Variants in SYNE2 observed in about 807,000 individuals in gnomAD.
SYNE2 encodes the protein spectrin repeat containing nuclear envelope protein 2.
In SYNE2, 431 loss-of-function variants were observed where a neutral mutation model predicts 856.3. The ratio of observed to expected loss-of-function variants is 0.50; its 90% CI spans 0.47 to 0.55. SYNE2 has a LOEUF of 0.55. Ranked by LOEUF, SYNE2 falls within the 20% of genes least tolerant of loss-of-function variation. SYNE2 has a pLI of 0.00. For missense variants in SYNE2, 8,129 were observed against 8,023.2 expected, an observed-to-expected ratio of 1.01 and a Z score of -0.50; for synonymous variants, 2,923 against 2,872.3, an observed-to-expected ratio of 1.02 and a Z score of -0.56.
intron 100 of SYNE2, 125 bp from the exon 101 acceptor site, chr14:64,208,633 G>A (rs1407904456): frequency 3.0e-6 from 3 of 997,414 alleles, no homozygotes; most frequent in Non-Finnish European, 4.7e-6. Flanking sequence ...AGTTCATGGT[G>A]GAAATCCACC....
intron 49 of SYNE2, 98 bp downstream of exon 49, chr14:64,056,364 GT>G: frequency 8.3e-7 from 1 of 1,209,816 alleles, no homozygotes; most frequent in Non-Finnish European, 1.1e-6. Flanking sequence ...TAAAATATAG[GT>G]TTTTTTCTCT....
chr14:63,825,799 C>T (rs967003461), intron 1 of SYNE2, among the ~76,000 whole-genome samples: 4 of 151,974 alleles, frequency 2.6e-5, no homozygotes, highest in African/African-American at 9.7e-5. Flanking sequence ...TTGCTTGAAC[C>T]CAGGAGGCAA....
intron 1 of SYNE2, among the ~76,000 whole-genome samples, chr14:63,795,458 T>C (rs1277723084): frequency 1.3e-5 from 2 of 152,112 alleles, no homozygotes; most frequent in African/African-American, 2.4e-5. Flanking sequence ...TTGTGGGACC[T>C]TGTGGTCGTG....
intron 17 of SYNE2, 28 bp downstream of exon 17, chr14:63,982,822 T>C: frequency 6.2e-7 from 1 of 1,608,024 alleles, no homozygotes. Flanking sequence ...GTTGCAGCTT[T>C]ATTTAGATAT....
chr14:63,876,513 A>T (rs2094722309), intron 1 of SYNE2, among the ~76,000 whole-genome samples: 2 of 140,362 alleles, frequency 1.4e-5, no homozygotes, highest in Non-Finnish European at 3.1e-5. Context: ...TTTGAGACCG[A>T]GTCTCGCTCT....
rs555022838 is a variant in SYNE2, at chr14:63,940,598, G to A, written c.80-16G>A. 2.7e-5 allele frequency: 44 copies of A among 1,613,836 alleles called. 1 individual carries two copies. The East Asian group carries it at 9.1e-4, about 34-fold the overall frequency. On this transcript the variant is annotated splice_polypyrimidine_tract_variant and intron_variant, in intron 2 of 115. Transcript: ENST00000555002. ...GGCTTCTGGTTTTATAACTGCTGTT[G>A]TTCTTTCTTTGATAGCTGAACAGGA...
At chr14:63,889,234 A>G (rs2095071170) in intron 1 of SYNE2, among the ~76,000 whole-genome samples, 1 of 151,836 alleles carries the variant, frequency 6.6e-6, no homozygotes, top group African/African-American at 2.4e-5. Flanking sequence ...CCTCTTAAAT[A>G]CAATGTATAT....
Position 64,215,515 on chromosome 14 carries a change from C to G in SYNE2, c.19402+161C>G, listed in dbSNP as rs150904045. 832 of 765,520 alleles carry G rather than the reference C, an allele frequency of 1.1e-3. 10 individuals carry two copies. Among genetic ancestry groups the G allele is most frequent in the South Asian group, 0.01 (720 of 70,188 alleles). 47.4% of individuals were successfully genotyped at this position (765,520 alleles called of 1,614,324 possible). On this transcript the variant is annotated intron_variant, in intron 107 of 115. Transcript: ENST00000555002. ...TTTACACTGCCGTACTCACCCATAACTGCGTGCTCCTTACAAAACCCCATC... is the reference window on the plus strand; with the variant it reads ...TTTACACTGCCGTACTCACCCATAAGTGCGTGCTCCTTACAAAACCCCATC...
In SYNE2 at chr14:64,082,444, C is replaced by T. The variant is rs186375581; in HGVS notation, c.11484+864C>T. On this transcript the variant is annotated intron_variant, in intron 57 of 115. Coordinates refer to ENST00000555002, the MANE Select transcript of SYNE2 (RefSeq NM_182914.3). ...TCAAGCATTTCAGATAAGGGCTACT[C>T]AGCCTGCAGCAGAGTGCAGAGAGAT... 9.2e-5 allele frequency among the ~76,000 whole-genome samples: 14 copies of T among 152,266 alleles called. No individual in the cohort carries two copies. The East Asian group carries it at 2.3e-3, about 25-fold the overall frequency.
intron 14 of SYNE2, 24 bp downstream of exon 14, chr14:63,979,038 T>C: frequency 6.2e-7 from 1 of 1,611,682 alleles, no homozygotes; most frequent in South Asian, 1.1e-5. Flanking sequence ...TTTTGTGTCT[T>C]AGGCAACTCC....
chr14:63,987,916 A>T (rs1566979706), intron 19 of SYNE2, among the ~76,000 whole-genome samples: 1 of 151,792 alleles, frequency 6.6e-6, no homozygotes, highest in African/African-American at 2.4e-5. Context: ...AACTGTGTGG[A>T]TAATGAGATA....
At chr14:63,788,859 G>A (rs2139760653) in intron 1 of SYNE2, among the ~76,000 whole-genome samples, 1 of 152,286 alleles carries the variant, frequency 6.6e-6, no homozygotes, top group Admixed American at 6.5e-5. Context: ...CCGCTGCTGC[G>A]TATATACCCA....
intron 66 of SYNE2, among the ~76,000 whole-genome samples, chr14:64,118,605 G>C (rs1056551412): frequency 6.6e-5 from 10 of 152,084 alleles, no homozygotes; most frequent in Non-Finnish European, 1.3e-4. Flanking sequence ...GTTCATGCCT[G>C]TAATCCCAGC....
intron 11 of SYNE2, among the ~76,000 whole-genome samples, chr14:63,973,172 T>G (rs1293044714): frequency 6.6e-6 from 1 of 152,182 alleles, no homozygotes; most frequent in Non-Finnish European, 1.5e-5. Context: ...GAGAATCGCT[T>G]GCACCTGGTA....
At chr14:64,190,974 GGCCTTGGGACCACT>G in intron 99 of SYNE2, 1 of 702,328 alleles carries the variant, frequency 1.4e-6, no homozygotes, top group Non-Finnish European at 2.6e-6. Context: ...ACCGTCACTT[GGCCTTGGGACCACT>G]TGTGCAGCTG....
rs748080630 is a variant in SYNE2, at chr14:64,089,583, G to A, written c.11680G>A (p.Ala3894Thr). The part of the protein sequence containing the change: ...QIQRMADDVV[A>T]IESEVKSMEK... The stretch of plus-strand genomic sequence containing the variant: ...TCTTCTGAAATTCTAGGATGTGGTT[G>A]CTATTGAATCTGAAGTAAAATCAAT... Residue 3894 changes from alanine (A) to threonine (T), a missense_variant, in exon 59 of 116, where the codon GCT becomes ACT. By Grantham distance (58) the Ala-to-Thr change is moderately conservative. Transcript: ENST00000555002. 6 of 1,609,396 alleles carry A rather than the reference G, an allele frequency of 3.7e-6. No individual in the cohort carries two copies. In the South Asian group the frequency reaches 6.6e-5, roughly 18 times the overall value.
At chr14:63,854,090 G>A (rs1256589198) in intron 1 of SYNE2, among the ~76,000 whole-genome samples, 1 of 151,974 alleles carries the variant, frequency 6.6e-6, no homozygotes, top group African/African-American at 2.4e-5. Context: ...CCGCAGGCAC[G>A]GTTGTGTACA....
intron 1 of SYNE2, among the ~76,000 whole-genome samples, chr14:63,870,897 C>G (rs1259512343): frequency 1.3e-5 from 2 of 152,186 alleles, no homozygotes; most frequent in African/African-American, 2.4e-5. Flanking sequence ...TGGTTCTGCT[C>G]TAGTCCAGGG....
intron 25 of SYNE2, 21 bp from the exon 26 acceptor site, chr14:63,998,198 C>A: frequency 1.3e-6 from 2 of 1,516,102 alleles, no homozygotes; most frequent in Non-Finnish European, 1.8e-6. Flanking sequence ...ATTTCGTTTA[C>A]TATTTTGCAT....
Sources: allele counts gnomAD v4.1 joint callset (sites outside exome capture counted in the v4.1 genomes callset), GRCh38; gene constraint gnomAD v4.1.1; transcripts MANE v1.5; gene names NCBI Gene and HGNC (gene_info 2026-07-23, HGNC 2026-07-21).